CGNL1: variants seen among roughly 807,000 people sequenced by gnomAD.
CGNL1 encodes cingulin-like protein 1.
In CGNL1, 132 loss-of-function variants were observed where a neutral mutation model predicts 141.2. The observed-to-expected ratio is 0.93, with a 90% CI of 0.81 to 1.08. The LOEUF is 1.08. CGNL1 is among the 50% of genes least tolerant of loss of function. The pLI, the probability that CGNL1 is intolerant of heterozygous loss-of-function variation, is 0.00. For synonymous variants in CGNL1, 690 were observed against 622.1 expected (o/e 1.11, Z -1.63); for missense variants, 1,870 against 1,588.6 (o/e 1.18, Z -3.01).
At chr15:57,462,189 A>G (rs1217286481) in intron 8 of CGNL1, among the ~76,000 whole-genome samples, 2 of 152,166 alleles carry the variant, frequency 1.3e-5, no homozygotes, top group African/African-American at 4.8e-5. Flanking sequence ...GAGTGGAGGG[A>G]TGTACTCTCC....
At chr15:57,392,211 A>G (rs1417357330) in intron 1 of CGNL1, among the ~76,000 whole-genome samples, 1 of 152,114 alleles carries the variant, frequency 6.6e-6, no homozygotes, top group Non-Finnish European at 1.5e-5. Flanking sequence ...AAAGAAAGTG[A>G]TAGGTGTTTT....
chr15:57,390,236 T>C (rs2062527674), intron 1 of CGNL1, among the ~76,000 whole-genome samples: 1 of 152,236 alleles, frequency 6.6e-6, no homozygotes, highest in Non-Finnish European at 1.5e-5. Context: ...CAGGCTTCCA[T>C]CTGGGTTGAG....
At chr15:57,386,395 T>C (rs2062483558) in intron 1 of CGNL1, among the ~76,000 whole-genome samples, 2 of 152,210 alleles carry the variant, frequency 1.3e-5, no homozygotes, top group South Asian at 4.1e-4. Flanking sequence ...GTGTGATTCC[T>C]AAGGTATGCC....
chr15:57,413,233 C>CCCTCCCTT (rs2062812438), intron 1 of CGNL1, among the ~76,000 whole-genome samples: 1 of 137,714 alleles, frequency 7.3e-6, no homozygotes, highest in Non-Finnish European at 1.6e-5. Flanking sequence ...CTCCCTCCCT[C>CCCTCCCTT]CCTCCCTCCC....
At chr15:57,383,292 C>CTTTTTTTT (rs59213732) in intron 1 of CGNL1, among the ~76,000 whole-genome samples, 3,663 of 108,830 alleles carry the variant, frequency 0.034, 82 homozygotes, top group Non-Finnish European at 0.037. Flanking sequence ...TTCTTTCTTC[C>CTTTTTTTT]TTTTTTTTTT....
chr15:57,479,726 CA>C (rs1262256373), intron 8 of CGNL1, among the ~76,000 whole-genome samples: 1 of 151,822 alleles, frequency 6.6e-6, no homozygotes, highest in African/African-American at 2.4e-5. Flanking sequence ...TCTCAAGAAA[CA>C]AAAAACAAAA....
intron 13 of CGNL1, among the ~76,000 whole-genome samples, chr15:57,530,718 A>G (rs564144115): frequency 8.7e-4 from 133 of 152,248 alleles, no homozygotes; most frequent in Admixed American, 2.1e-3. Context: ...ACTTCCCTAT[A>G]GGTTTTGATC....
At chr15:57,487,906 C>T (rs958834278) in intron 8 of CGNL1, among the ~76,000 whole-genome samples, 1 of 152,108 alleles carries the variant, frequency 6.6e-6, no homozygotes, top group Admixed American at 6.5e-5. Flanking sequence ...CATGGACGGA[C>T]GTTTTCATTT....
chr15:57,469,456 G>A (rs2063552544), intron 8 of CGNL1, among the ~76,000 whole-genome samples: 1 of 151,538 alleles, frequency 6.6e-6, no homozygotes, highest in Non-Finnish European at 1.5e-5. Flanking sequence ...AGAAGACACA[G>A]ACACAGAGAC....
At chr15:57,433,955 A>C (rs1477457769) in intron 1 of CGNL1, among the ~76,000 whole-genome samples, 1 of 131,910 alleles carries the variant, frequency 7.6e-6, no homozygotes, top group African/African-American at 2.8e-5. Context: ...ATTGACACTC[A>C]CCAACTAATA....
intron 8 of CGNL1, among the ~76,000 whole-genome samples, chr15:57,508,936 C>G (rs1041268692): frequency 2.6e-5 from 4 of 152,154 alleles, no homozygotes; most frequent in African/African-American, 7.2e-5. Flanking sequence ...GGGAAATTAA[C>G]AAATGATTGG....
chr15:57,407,439 T>C (rs1300312772), intron 1 of CGNL1, among the ~76,000 whole-genome samples: 2 of 152,126 alleles, frequency 1.3e-5, no homozygotes, highest in African/African-American at 4.8e-5. Context: ...CCTCAATTTT[T>C]AGAGGGAAGG....
chr15:57,522,572 G>C (rs1309756900), intron 10 of CGNL1, among the ~76,000 whole-genome samples: 1 of 152,182 alleles, frequency 6.6e-6, no homozygotes, highest in East Asian at 1.9e-4. Context: ...GTTTGAGTCA[G>C]GTTGCTCTGT....
At position 57,453,810 on chromosome 15, in the gene CGNL1, C is replaced by G. The variant is rs1240969524; in HGVS notation, c.2182C>G (p.Leu728Val). The change falls in exon 7 of 19, where the codon CTG becomes GTG. Residue 728 changes from leucine to valine, a missense_variant. Leu to Val is a conservative substitution (Grantham distance 32, BLOSUM62 1). Coordinates refer to ENST00000281282, the MANE Select transcript of CGNL1 (RefSeq NM_032866.5). The stretch of plus-strand genomic sequence containing the variant: ...ATCGGAGGACAGGGAGAAGGGAGCT[C>G]TGATTGAGGTAAGCAGGGCTGTGGG... ...KRSEDREKGA[L>V]IEELLQAKQD... The G allele has an allele frequency of 4.3e-6, 7 of 1,613,326 alleles. No individual in the cohort carries two copies. Among genetic ancestry groups the G allele is most frequent in the Non-Finnish European group, 5.9e-6 (7 of 1,179,880 alleles).
intron 4 of CGNL1, among the ~76,000 whole-genome samples, chr15:57,446,405 G>A (rs2063252157): frequency 6.6e-6 from 1 of 152,038 alleles, no homozygotes; most frequent in South Asian, 2.1e-4. Context: ...ATCATATCGT[G>A]ACTTCTATCA....
rs1465674996 is a variant in CGNL1, at chr15:57,439,526, G to T, written c.1527G>T (p.Arg509=). 2.5e-6 allele frequency: 4 copies of T among 1,614,164 alleles called. No homozygotes were observed. The highest frequency in any genetic ancestry group is 3.4e-6 in the Non-Finnish European group (4 of 1,180,024). The change falls in exon 2 of 19, where the codon CGG becomes CGT. Residue 509 remains arginine, a synonymous_variant. Coordinates refer to ENST00000281282, the MANE Select transcript of CGNL1 (RefSeq NM_032866.5). ...TATATLMLQN[R]ATATSPDSGA... ...CCGCTACGCTGATGTTACAGAACCGGGCAACAGCAACTTCGCCTGATTCTG... is the reference window on the plus strand; with the variant it reads ...CCGCTACGCTGATGTTACAGAACCGTGCAACAGCAACTTCGCCTGATTCTG...
intron 1 of CGNL1, among the ~76,000 whole-genome samples, chr15:57,387,048 G>T (rs2062491583): frequency 6.6e-6 from 1 of 151,972 alleles, no homozygotes; most frequent in Non-Finnish European, 1.5e-5. Flanking sequence ...TCATCCCCCT[G>T]AAAGGAAACC....
chr15:57,508,663 A>T (rs1411210810), intron 8 of CGNL1, among the ~76,000 whole-genome samples: 3 of 152,248 alleles, frequency 2.0e-5, no homozygotes, highest in African/African-American at 7.2e-5. Context: ...CCTACCAAGA[A>T]GCATAAAGGA....
At chr15:57,492,787 G>C (rs2063884912) in intron 8 of CGNL1, among the ~76,000 whole-genome samples, 1 of 152,134 alleles carries the variant, frequency 6.6e-6, no homozygotes, top group African/African-American at 2.4e-5. Flanking sequence ...TTCCTTGCTA[G>C]CCTGGGGACC....
Sources: gnomAD v4.1 joint callset for allele counts (sites outside exome capture counted in the v4.1 genomes callset) on GRCh38, gnomAD v4.1.1 for gene constraint, MANE v1.5 for transcripts, NCBI Gene and HGNC (gene_info 2026-07-23, HGNC 2026-07-21) for gene names.